NAALAD2: variants seen among roughly 807,000 people sequenced by gnomAD.
The protein encoded by NAALAD2 is N-acetylated alpha-linked acidic dipeptidase 2.
A neutral mutation model predicts 95.6 loss-of-function variants in NAALAD2; 89 were observed. The ratio of observed to expected loss-of-function variants is 0.93; its 90% CI spans 0.78 to 1.11. The LOEUF (loss-of-function observed/expected upper bound fraction) is 1.11. NAALAD2 is among the 50% of genes least tolerant of loss of function. The pLI is 0.00. For synonymous variants in NAALAD2, 264 were observed against 294.4 expected, an observed-to-expected ratio of 0.90 and a Z score of 1.06; for missense variants, 894 against 872.4, an observed-to-expected ratio of 1.02 and a Z score of -0.31.
At chr11:90,158,972 G>A in intron 7 of NAALAD2, 1 of 364,006 alleles carries the variant, frequency 2.7e-6, no homozygotes, top group South Asian at 3.0e-5. Context: ...CAAAAATAAG[G>A]AGATAGCCTT....
In NAALAD2 at chr11:90,152,473, A is replaced by T. The variant is rs1207310452; in HGVS notation, c.785A>T (p.Tyr262Phe). 1 of 1,609,884 alleles carries T rather than the reference A, an allele frequency of 6.2e-7. No individual in the cohort carries two copies. Among genetic ancestry groups the T allele is most frequent in the African/African-American group, 1.3e-5 (1 of 74,868 alleles). The change falls in exon 6 of 19, where the codon TAT (tyrosine) becomes TTT (phenylalanine). Residue 262 changes from tyrosine to phenylalanine, a missense_variant. Coordinates refer to ENST00000534061, the MANE Select transcript of NAALAD2 (RefSeq NM_005467.4). ...NGAGDPLTPG[Y>F]PAKEYTFRLD... ...GCTGGTGACCCACTCACTCCAGGCT[A>T]TCCAGCAAAAGGTAAGGGATGAGCC...
chr11:90,138,081 G>A (rs1186712492), intron 2 of NAALAD2, among the ~76,000 whole-genome samples: 1 of 152,050 alleles, frequency 6.6e-6, no homozygotes, highest in Admixed American at 6.6e-5. Flanking sequence ...TACCCTACTA[G>A]TGACCTTAGC....
At position 90,163,505 on chromosome 11, in the gene NAALAD2, C is replaced by G. The variant is rs764168966; in HGVS notation, c.1196-30C>G. 3 of 1,613,226 alleles carry G rather than the reference C, an allele frequency of 1.9e-6. No homozygotes were observed. In the East Asian group the frequency reaches 6.7e-5, roughly 36 times the overall value. On this transcript the variant is annotated intron_variant, in intron 10 of 18. Transcript: ENST00000534061. Reference sequence around the variant, plus strand: ...TTCTTTTATTTTTTAGGCAGTTGTACCTAACCACGTGTGTTAACAATTCTT... The same window carrying G: ...TTCTTTTATTTTTTAGGCAGTTGTAGCTAACCACGTGTGTTAACAATTCTT...
chr11:90,170,146 GA>G lies in NAALAD2; in HGVS notation c.1410+13del, dbSNP rs1952591916. 3.3e-6 allele frequency: 5 copies of G among 1,502,364 alleles called. No homozygotes were observed. The highest frequency in any genetic ancestry group is 9.3e-7 in the Non-Finnish European group (1 of 1,078,530). The allele number at this position is 1,502,364 out of a possible 1,614,324, so 93.1% of individuals were successfully genotyped here. ...TAAACTGACAAAAGAGGTATATAAGGAAATGTGTCTTCATATGTTCTCTTTT... is the reference window on the plus strand; with the variant it reads ...TAAACTGACAAAAGAGGTATATAAGGAATGTGTCTTCATATGTTCTCTTTT... On this transcript the variant is annotated intron_variant, in intron 13 of 18. Transcript: ENST00000534061.
At chr11:90,186,282 G>GT (rs951892243) in intron 18 of NAALAD2, among the ~76,000 whole-genome samples, 5 of 151,698 alleles carry the variant, frequency 3.3e-5, no homozygotes, top group Non-Finnish European at 5.9e-5. Context: ...GCGGTGTTTG[G>GT]TTTTTTGTTC....
chr11:90,162,141 A>T (rs1952315468), intron 8 of NAALAD2, among the ~76,000 whole-genome samples: 1 of 152,152 alleles, frequency 6.6e-6, no homozygotes, highest in African/African-American at 2.4e-5. Flanking sequence ...TTTAGAATAA[A>T]TGATGATTAA....
At chr11:90,175,349 A>AT (rs1197941548) in intron 14 of NAALAD2, among the ~76,000 whole-genome samples, 1 of 152,230 alleles carries the variant, frequency 6.6e-6, no homozygotes, top group Admixed American at 6.5e-5. Context: ...CAGTTATGTT[A>AT]TTAATGAACA....
At chr11:90,145,636 T>A (rs547497900) in intron 2 of NAALAD2, among the ~76,000 whole-genome samples, 2 of 152,256 alleles carry the variant, frequency 1.3e-5, no homozygotes, top group Admixed American at 1.3e-4. Flanking sequence ...GAGAAAGACA[T>A]CTTCTGAGAG....
chr11:90,155,864 TATA>T (rs1407629155), intron 6 of NAALAD2, among the ~76,000 whole-genome samples: 4 of 142,508 alleles, frequency 2.8e-5, no homozygotes, highest in Non-Finnish European at 4.5e-5. Flanking sequence ...TTATATTATA[TATA>T]ATATGTAATG....
At chr11:90,142,689 T>G (rs1290406252) in intron 2 of NAALAD2, among the ~76,000 whole-genome samples, 1 of 152,148 alleles carries the variant, frequency 6.6e-6, no homozygotes, top group Non-Finnish European at 1.5e-5. Context: ...GCCTTGTGAG[T>G]ATTTAGTCCA....
intron 2 of NAALAD2, among the ~76,000 whole-genome samples, chr11:90,137,708 A>G (rs1265182895): frequency 6.6e-6 from 1 of 152,104 alleles, no homozygotes; most frequent in African/African-American, 2.4e-5. Flanking sequence ...GGCTCAAGGG[A>G]TTCTCCCACC....
In NAALAD2 at chr11:90,144,740, T is replaced by TAAAA. The variant is rs773275468; in HGVS notation, c.195-2578_195-2575dup. Among the ~76,000 whole-genome samples the TAAAA allele has an allele frequency of 1.5e-3, 140 of 90,912 alleles. 3 individuals are homozygous for TAAAA. Among genetic ancestry groups the TAAAA allele is most frequent in the African/African-American group, 6.1e-3 (123 of 20,288 alleles). The allele number at this position is 90,912 out of a possible 152,430, so 59.6% of individuals were successfully genotyped here. On this transcript the variant is annotated intron_variant, in intron 2 of 18. Coordinates refer to ENST00000534061, the MANE Select transcript of NAALAD2 (RefSeq NM_005467.4). The stretch of plus-strand genomic sequence containing the variant: ...CTGGGCAACAAGAGCAAAACTCCAT[T>TAAAA]AAAAAAAAAAAAAAACGGAAAAGAA...
chr11:90,188,455 A>G (rs1857225993), intron 18 of NAALAD2, among the ~76,000 whole-genome samples: 1 of 152,202 alleles, frequency 6.6e-6, no homozygotes, highest in Admixed American at 6.5e-5. Flanking sequence ...TATAAAAAAC[A>G]GAAATTTATT....
intron 16 of NAALAD2, among the ~76,000 whole-genome samples, chr11:90,178,587 C>A (rs1011951060): frequency 4.6e-5 from 7 of 151,554 alleles, no homozygotes; most frequent in African/African-American, 1.7e-4. Context: ...AGGAGAATGG[C>A]GTGAACCTGG....
chr11:90,173,745 C>T, intron 13 of NAALAD2, 79 bp from the exon 14 acceptor site: 1 of 944,244 alleles, frequency 1.1e-6, no homozygotes, highest in Non-Finnish European at 1.6e-6. Context: ...AAGTTGATGA[C>T]AAATAATATA....
At chr11:90,170,222 T>C (rs926364890) in intron 13 of NAALAD2, 86 bp downstream of exon 13, 4 of 861,128 alleles carry the variant, frequency 4.6e-6, no homozygotes, top group Non-Finnish European at 7.9e-6. Flanking sequence ...ATGGTACTTA[T>C]TTTTAAGCTG....
At chr11:90,138,795 T>C (rs1160266941) in intron 2 of NAALAD2, among the ~76,000 whole-genome samples, 1 of 147,278 alleles carries the variant, frequency 6.8e-6, no homozygotes, top group East Asian at 2.1e-4. Flanking sequence ...TTACCTTGTT[T>C]GGCTCTGTCA....
intron 11 of NAALAD2, among the ~76,000 whole-genome samples, chr11:90,166,402 T>A (rs1160555038): frequency 6.6e-6 from 1 of 152,174 alleles, no homozygotes; most frequent in Non-Finnish European, 1.5e-5. Context: ...TTCTTTCACT[T>A]CATATACATA....
At chr11:90,175,289 A>T (rs1208221855) in intron 14 of NAALAD2, among the ~76,000 whole-genome samples, 4 of 152,240 alleles carry the variant, frequency 2.6e-5, no homozygotes, top group Admixed American at 2.6e-4. Flanking sequence ...AAAACATTGA[A>T]GAGGTCAGTC....
Sources: gnomAD v4.1 joint callset for allele counts (sites outside exome capture counted in the v4.1 genomes callset) on GRCh38, gnomAD v4.1.1 for gene constraint, MANE v1.5 for transcripts, NCBI Gene and HGNC (gene_info 2026-07-23, HGNC 2026-07-21) for gene names.